The following EFR3A variants were observed in gnomAD, a reference collection of about 807,000 sequenced individuals.
EFR3A encodes the protein EFR3 homolog A, also known as protein EFR3 homolog A.
Under a neutral mutation model 104.4 loss-of-function variants are expected in EFR3A, and 76 were observed. The observed-to-expected ratio is 0.73, with a 90% confidence interval of 0.60 to 0.88. EFR3A has a LOEUF of 0.88. Among genes scored for constraint, EFR3A ranks in the 40% least tolerant of loss-of-function variants. EFR3A has a pLI of 0.00. For missense variants in EFR3A, 985 were observed against 1,012.5 expected, an observed-to-expected ratio of 0.97 and a Z score of 0.37; for synonymous variants, 330 against 330.0, an observed-to-expected ratio of 1.00 and a Z score of 0.00.
intron 8 of EFR3A, among the ~76,000 whole-genome samples, chr8:131,966,802 A>G (rs1426947481): frequency 1.3e-5 from 2 of 152,168 alleles, no homozygotes; most frequent in African/African-American, 4.8e-5. Context: ...ACTTCAGTGT[A>G]AGGGCAAATT....
intron 10 of EFR3A, among the ~76,000 whole-genome samples, chr8:131,973,733 C>T (rs772613101): frequency 3.3e-5 from 5 of 152,090 alleles, no homozygotes; most frequent in Non-Finnish European, 7.4e-5. Flanking sequence ...TGGCCAACTT[C>T]TCTTTCTTTT....
At position 132,010,781 on chromosome 8, in the gene EFR3A, C is replaced by A. The variant is rs374037602; in HGVS notation, c.2361-9C>A. ...CACCTGCTGACAATGTATTTTTGTT[C>A]TTTTATAGTCCTCCTCCCAGTCCAT... On this transcript the variant is annotated splice_polypyrimidine_tract_variant and intron_variant, in intron 22 of 22. Coordinates refer to ENST00000254624, the MANE Select transcript of EFR3A (RefSeq NM_015137.6). 3.1e-6 allele frequency: 5 copies of A among 1,610,680 alleles called. No individual in the cohort carries two copies. The African/African-American group carries it at 4.0e-5, about 13-fold the overall frequency.
intron 22 of EFR3A, among the ~76,000 whole-genome samples, chr8:132,005,395 C>T (rs187278782): frequency 6.6e-4 from 100 of 151,722 alleles, no homozygotes; most frequent in Non-Finnish European, 1.9e-4. Flanking sequence ...ACTGTTCTTT[C>T]ATTTACATTT....
At chr8:131,996,291 G>GA in intron 18 of EFR3A, 115 bp from the exon 19 acceptor site, 2 of 622,032 alleles carry the variant, frequency 3.2e-6, no homozygotes, top group Admixed American at 7.4e-5. Flanking sequence ...GAACAAAAAA[G>GA]ACAAACTGTC....
chr8:131,959,385 T>C (rs915585902), intron 7 of EFR3A, among the ~76,000 whole-genome samples, 200 bp from the exon 8 acceptor site: 12 of 152,296 alleles, frequency 7.9e-5, no homozygotes, highest in African/African-American at 2.6e-4. Flanking sequence ...ACGAAACTAC[T>C]TCTGGTCCAC....
rs1819199075 is a variant in EFR3A, at chr8:131,959,566, TA to T, written c.777-17del. The T allele has an allele frequency of 6.2e-7, 1 of 1,602,718 alleles. No individual in the cohort carries two copies. Among genetic ancestry groups the T allele is most frequent in the African/African-American group, 1.3e-5 (1 of 74,438 alleles). ...TATAGTAAAATAGAGAATTTTAAAGTAATTTTTGTTATTTGCAGGCATTTAG... is the reference window on the plus strand; with the variant it reads ...TATAGTAAAATAGAGAATTTTAAAGTATTTTTGTTATTTGCAGGCATTTAG... On this transcript the variant is annotated intron_variant, in intron 7 of 22. Coordinates refer to ENST00000254624, the MANE Select transcript of EFR3A (RefSeq NM_015137.6).
At chr8:131,984,068 A>ATAGC (rs1298907132) in intron 14 of EFR3A, 71 bp from the exon 15 acceptor site, 1 of 1,369,856 alleles carries the variant, frequency 7.3e-7, no homozygotes, top group African/African-American at 1.4e-5. Context: ...CTGTAAAAGT[A>ATAGC]TATGCATGTG....
chr8:131,993,197 G>C (rs76836005), intron 18 of EFR3A, among the ~76,000 whole-genome samples: 6,360 of 152,244 alleles, frequency 0.042, 323 homozygotes, highest in East Asian at 0.12. Flanking sequence ...CCCTAGCTAG[G>C]TTATGCTATA....
chr8:131,974,742 A>G (rs1704513007), intron 10 of EFR3A, among the ~76,000 whole-genome samples: 1 of 152,188 alleles, frequency 6.6e-6, no homozygotes, highest in Non-Finnish European at 1.5e-5. Context: ...AGATGGAGTC[A>G]TGTTAAGGTT....
intron 8 of EFR3A, among the ~76,000 whole-genome samples, chr8:131,965,751 C>G (rs1338219431): frequency 6.6e-6 from 1 of 151,934 alleles, no homozygotes; most frequent in Non-Finnish European, 1.5e-5. Flanking sequence ...GCTATAAAGA[C>G]ACATGCACAC....
At chr8:131,986,599 C>T (rs1214738788) in intron 17 of EFR3A, among the ~76,000 whole-genome samples, 1 of 151,996 alleles carries the variant, frequency 6.6e-6, no homozygotes, top group Non-Finnish European at 1.5e-5. Context: ...GCTTGGCCAA[C>T]ATGGTGAAAC....
chr8:131,958,810 A>G (rs1819157170), intron 7 of EFR3A, among the ~76,000 whole-genome samples: 1 of 152,200 alleles, frequency 6.6e-6, no homozygotes, highest in African/African-American at 2.4e-5. Context: ...GTTTATTTAT[A>G]TATTAAAATA....
chr8:131,918,866 A>G (rs1419371800), intron 1 of EFR3A, among the ~76,000 whole-genome samples: 1 of 152,206 alleles, frequency 6.6e-6, no homozygotes, highest in African/African-American at 2.4e-5. Flanking sequence ...GCTGTTTTAA[A>G]TTTTGCCTGA....
intron 7 of EFR3A, among the ~76,000 whole-genome samples, chr8:131,956,332 C>CT (rs1422288353): frequency 6.6e-6 from 1 of 152,168 alleles, no homozygotes; most frequent in African/African-American, 2.4e-5. Context: ...ATTCACATCT[C>CT]TGAGTGAATT....
intron 20 of EFR3A, 76 bp from the exon 21 acceptor site, chr8:132,002,527 A>T: frequency 8.4e-6 from 10 of 1,196,378 alleles, no homozygotes; most frequent in Non-Finnish European, 9.5e-6. Flanking sequence ...ATATATCATT[A>T]ACTCTTAACG....
chr8:131,988,111 G>C (rs115559604), intron 18 of EFR3A, among the ~76,000 whole-genome samples: 2,103 of 151,974 alleles, frequency 0.014, 47 homozygotes, highest in African/African-American at 0.048. Flanking sequence ...GTACAGACTT[G>C]TTATATAAAT....
At chr8:132,001,608 T>C (rs1821782899) in intron 19 of EFR3A, 151 bp from the exon 20 acceptor site, 1 of 639,742 alleles carries the variant, frequency 1.6e-6, no homozygotes, top group South Asian at 2.0e-5. Flanking sequence ...GATTATTTGG[T>C]ACTGTGGAGT....
intron 10 of EFR3A, among the ~76,000 whole-genome samples, chr8:131,975,412 ATTTTTTTTTTTT>A (rs5895119): frequency 4.5e-5 from 5 of 111,158 alleles, no homozygotes; most frequent in African/African-American, 1.7e-4. Context: ...TTTTTTTCCT[ATTTTTTTTTTTT>A]TTTTTTTTGG....
rs551593260 is a variant in EFR3A, at chr8:131,944,139, C to T, written c.88-606C>T. On this transcript the variant is annotated intron_variant, in intron 2 of 22. Coordinates refer to ENST00000254624, the MANE Select transcript of EFR3A (RefSeq NM_015137.6). ...GGGTTATATATGGCCAAGAAACTTA[C>T]GTGGTAACTGGGGAGAATTTATGCA... 1.8e-3 allele frequency among the ~76,000 whole-genome samples: 280 copies of T among 152,156 alleles called. 2 individuals are homozygous for T. The highest frequency in any genetic ancestry group is 6.5e-3 in the African/African-American group (272 of 41,546).
Sources: gnomAD v4.1 joint callset for allele counts (sites outside exome capture counted in the v4.1 genomes callset) on GRCh38, gnomAD v4.1.1 for gene constraint, MANE v1.5 for transcripts, NCBI Gene and HGNC (gene_info 2026-07-23, HGNC 2026-07-21) for gene names.